Variants in EPB42 observed in about 807,000 individuals in gnomAD.
The protein encoded by EPB42 is erythrocyte membrane protein band 4.2.
A neutral mutation model predicts 76.9 loss-of-function variants in EPB42; 49 were observed. The observed-to-expected ratio is 0.64, with a 90% CI of 0.51 to 0.81. EPB42 has a LOEUF of 0.81. Ranked by LOEUF, EPB42 falls within the 30% of genes least tolerant of loss-of-function variation. EPB42 has a pLI of 0.00. For synonymous variants in EPB42, 310 were observed against 338.4 expected, an observed-to-expected ratio of 0.92 and a Z score of 0.92; for missense variants, 731 against 867.6, an observed-to-expected ratio of 0.84 and a Z score of 1.98.
At chr15:43,207,616 G>A (rs1004235083) in intron 8 of EPB42, among the ~76,000 whole-genome samples, 175 bp from the exon 9 acceptor site, 3 of 152,272 alleles carry the variant, frequency 2.0e-5, no homozygotes, top group African/African-American at 7.2e-5. Flanking sequence ...ACTATTTAGT[G>A]ATCAACTATT....
upstream of EPB42, among the ~76,000 whole-genome samples, chr15:43,222,623 A>G (rs1250334330): frequency 6.6e-6 from 1 of 152,240 alleles, no homozygotes; most frequent in Admixed American, 6.5e-5. Flanking sequence ...GAAATTTCTA[A>G]GATAATAATA....
At chr15:43,198,612 A>C (rs2042081413) in intron 12 of EPB42, among the ~76,000 whole-genome samples, 1 of 152,140 alleles carries the variant, frequency 6.6e-6, no homozygotes, top group Non-Finnish European at 1.5e-5. Flanking sequence ...GAAAAGAAAA[A>C]CCCATTTTCT....
rs1259496988 is a variant in EPB42, at chr15:43,206,301, G to A, written c.1618+29C>T. On this transcript the variant is annotated intron_variant, in intron 10 of 12. Coordinates refer to ENST00000441366, the MANE Select transcript of EPB42 (RefSeq NM_001114134.2). The surrounding 1 kb of genome is among the most constrained non-coding windows in gnomAD (Gnocchi z 4.7). ...GGGCCATGTGTGTGTGTGTGTCGGG[G>A]GGTGTCTGGTGGGGCCATAGAGCAT... The A allele has an allele frequency of 1.4e-5, 22 of 1,586,998 alleles. No homozygotes were observed. In the East Asian group the frequency reaches 1.8e-4, roughly 13 times the overall value.
chr15:43,220,573 G>A (rs564863539), intron 1 of EPB42, among the ~76,000 whole-genome samples: 3 of 150,828 alleles, frequency 2.0e-5, no homozygotes, highest in South Asian at 2.1e-4. Flanking sequence ...CTCCGCCTCC[G>A]CCTCCACCAG....
At position 43,215,237 on chromosome 15, in the gene EPB42, C is replaced by G; in HGVS notation, c.288G>C (p.Glu96Asp). 1.9e-6 allele frequency: 3 copies of G among 1,614,222 alleles called. No individual in the cohort carries two copies. The highest frequency in any genetic ancestry group is 2.5e-6 in the Non-Finnish European group (3 of 1,180,044). Residue 96 changes from glutamate (E) to aspartate (D), a missense_variant, in exon 3 of 13, where the codon GAG (glutamate) becomes GAC (aspartate). By Grantham distance (45) the Glu-to-Asp change is conservative. Transcript: ENST00000441366. ...AGATGGTCCAGGACTGGGCATCTCTCTCCTCCACCACTGCACTCCACCACT... is the reference window on the plus strand; with the variant it reads ...AGATGGTCCAGGACTGGGCATCTCTGTCCTCCACCACTGCACTCCACCACT... Reference protein sequence around the residue: ...DRKWWSAVVEERDAQSWTISV... With the variant: ...DRKWWSAVVEDRDAQSWTISV...
At chr15:43,198,545 T>A (rs887205844) in intron 12 of EPB42, among the ~76,000 whole-genome samples, 4 of 152,124 alleles carry the variant, frequency 2.6e-5, no homozygotes, top group African/African-American at 9.7e-5. Context: ...GGCATTCAGT[T>A]TTATAAAGGA....
At chr15:43,200,009 G>A (rs141778598) in intron 12 of EPB42, among the ~76,000 whole-genome samples, 29 of 152,238 alleles carry the variant, frequency 1.9e-4, no homozygotes, top group African/African-American at 3.1e-4. Context: ...TATCAGCAGC[G>A]TGAACACGAA....
chr15:43,216,228 C>T (rs1272534419), intron 2 of EPB42, 40 bp downstream of exon 2: 5 of 1,610,698 alleles, frequency 3.1e-6, no homozygotes, highest in African/African-American at 2.7e-5. Flanking sequence ...GAGAACCCCC[C>T]AGGCCTGCTG....
chr15:43,210,163 T>C (rs1567278267), intron 5 of EPB42, among the ~76,000 whole-genome samples, 172 bp downstream of exon 5: 1 of 152,190 alleles, frequency 6.6e-6, no homozygotes, highest in Non-Finnish European at 1.5e-5. Context: ...GTGGATGCTA[T>C]TGCCTGTCTT....
rs115658864 is a variant in EPB42 at position 43,209,760 on chromosome 15, G to A, written c.655-309C>T. The A allele has an allele frequency of 3.1e-3, 1,182 of 380,828 alleles. 11 individuals carry two copies. The highest frequency in any genetic ancestry group is 0.022 in the African/African-American group (1,096 of 49,310). The allele number at this position is 380,828 out of a possible 1,614,324, so 23.6% of individuals were successfully genotyped here. A position where few individuals can be genotyped will look rare whatever the true frequency, so the allele number is the denominator to read the frequency against. On this transcript the variant is annotated intron_variant, in intron 5 of 12. Transcript: ENST00000441366. ...GGTTCTTAGTCCTCCACCCTGACTCGTTTGAGGTGCTTTGCACCTGGGTCC... is the reference window on the plus strand; with the variant it reads ...GGTTCTTAGTCCTCCACCCTGACTCATTTGAGGTGCTTTGCACCTGGGTCC...
intron 1 of EPB42, among the ~76,000 whole-genome samples, chr15:43,218,028 C>T (rs1472760859): frequency 1.3e-5 from 2 of 152,110 alleles, no homozygotes; most frequent in Non-Finnish European, 2.9e-5. Flanking sequence ...TCCCTGGGTG[C>T]CCCTTGCATC....
At chr15:43,216,916 G>T (rs1296119067) in intron 1 of EPB42, among the ~76,000 whole-genome samples, 1 of 152,170 alleles carries the variant, frequency 6.6e-6, no homozygotes, top group Non-Finnish European at 1.5e-5. Context: ...TTGTTTTATA[G>T]ATGAGAAGAG....
rs1484023830 is a variant in EPB42 at position 43,202,112 on chromosome 15, T to C, written c.1780-135A>G. 1.2e-5 allele frequency: 15 copies of C among 1,210,654 alleles called. No individual in the cohort carries two copies. In the Admixed American group the frequency reaches 2.9e-4, roughly 23 times the overall value. 75.0% of individuals were successfully genotyped at this position (1,210,654 alleles called of 1,614,324 possible). A position where few individuals can be genotyped will look rare whatever the true frequency, so the allele number is the denominator to read the frequency against. ...GCTGACTCAAACTTCACAGCTGATG[T>C]CTTCTACCGCTCTACCTGCTCTTCC... On this transcript the variant is annotated intron_variant, in intron 11 of 12. Coordinates refer to ENST00000441366, the MANE Select transcript of EPB42 (RefSeq NM_001114134.2).
intron 6 of EPB42, among the ~76,000 whole-genome samples, chr15:43,209,003 G>A (rs1348199368): frequency 6.6e-6 from 1 of 152,224 alleles, no homozygotes; most frequent in Non-Finnish European, 1.5e-5. Context: ...ACAGAGCATA[G>A]AACACAGCGC....
At chr15:43,224,050 T>C (rs2042486313), upstream of EPB42, among the ~76,000 whole-genome samples, 3 of 151,628 alleles carry the variant, frequency 2.0e-5, no homozygotes, top group South Asian at 6.3e-4. Flanking sequence ...CTACGGAGAG[T>C]GTTAGTCAGA....
At chr15:43,212,100 G>A (rs1216462710) in intron 3 of EPB42, among the ~76,000 whole-genome samples, 1 of 152,036 alleles carries the variant, frequency 6.6e-6, no homozygotes, top group African/African-American at 2.4e-5. Context: ...AGGCGTGGTG[G>A]CTCACGCCTG....
At position 43,216,332 on chromosome 15, in the gene EPB42, G is replaced by A. The variant is rs1376626679; in HGVS notation, c.132C>T (p.Tyr44=). The A allele has an allele frequency of 1.9e-6, 3 of 1,614,236 alleles. No homozygotes were observed. The highest frequency in any genetic ancestry group is 2.2e-5 in the East Asian group (1 of 44,880). Reference sequence around the variant, plus strand: ...GAAATGCACGGACTGGAGCGCGGAAGTACAGGATGATGGTGAAGGGCTGCC... The same window carrying A: ...GAAATGCACGGACTGGAGCGCGGAAATACAGGATGATGGTGAAGGGCTGCC... ...RRGQPFTIIL[Y]FRAPVRAFLP... is the part of the protein sequence containing the mutation. Residue 44 remains tyrosine, a synonymous_variant, in exon 2 of 13, where the codon TAC becomes TAT. Transcript: ENST00000441366.
chr15:43,223,665 A>T (rs1014162404), upstream of EPB42, among the ~76,000 whole-genome samples: 1 of 152,178 alleles, frequency 6.6e-6, no homozygotes, highest in African/African-American at 2.4e-5. Context: ...TTATAATACT[A>T]GTGGGAGTGC....
chr15:43,209,172 C>T (rs576438467), intron 6 of EPB42, 102 bp downstream of exon 6: 2 of 1,359,226 alleles, frequency 1.5e-6, no homozygotes, highest in Admixed American at 1.7e-5. Flanking sequence ...GGAAATGCGG[C>T]CGCAGGGAGG....
Sources: gnomAD v4.1 joint callset for allele counts (sites outside exome capture counted in the v4.1 genomes callset) on GRCh38, gnomAD v4.1.1 for gene constraint, Gnocchi (gnomAD v3.1) non-coding constraint, MANE v1.5 for transcripts, NCBI Gene and HGNC (gene_info 2026-07-23, HGNC 2026-07-21) for gene names.